Variants in SLCO1A2 observed in about 807,000 individuals in gnomAD.
SLCO1A2 encodes OATP-1.
SLCO1A2 carries 67 observed loss-of-function variants against 69.0 expected under a neutral mutation model. The observed-to-expected ratio is 0.97, with a 90% CI of 0.80 to 1.19. SLCO1A2 has a LOEUF of 1.19. Among genes scored for constraint, SLCO1A2 ranks in the 50% most tolerant of loss-of-function variants. The pLI is 0.00. For missense variants in SLCO1A2, 787 were observed against 793.7 expected (o/e 0.99, Z 0.10); for synonymous variants, 260 against 265.9 (o/e 0.98, Z 0.22).
chr12:21,364,925 T>A (rs1591885544), intron 2 of SLCO1A2, among the ~76,000 whole-genome samples: 1 of 152,212 alleles, frequency 6.6e-6, no homozygotes, highest in South Asian at 2.1e-4. Context: ...GAACATTTCA[T>A]GCTCGTGGAT....
At chr12:21,366,752 G>A (rs2137070771) in intron 2 of SLCO1A2, among the ~76,000 whole-genome samples, 1 of 151,794 alleles carries the variant, frequency 6.6e-6, no homozygotes, top group African/African-American at 2.4e-5. Flanking sequence ...CAGAAAGCAA[G>A]ATCTCTTGAA....
intron 2 of SLCO1A2, among the ~76,000 whole-genome samples, chr12:21,362,270 C>A (rs1202545320): frequency 1.3e-5 from 2 of 152,148 alleles, no homozygotes; most frequent in Non-Finnish European, 2.9e-5. Flanking sequence ...AAAGAATTTT[C>A]AACCCAGAAT....
intron 9 of SLCO1A2, among the ~76,000 whole-genome samples, 151 bp downstream of exon 9, chr12:21,297,249 CTCTT>C (rs530598058): frequency 3.5e-4 from 51 of 144,390 alleles, no homozygotes; most frequent in African/African-American, 7.4e-4. Flanking sequence ...TTCTTTCTTT[CTCTT>C]TCTTTCTTTC....
intron 12 of SLCO1A2, among the ~76,000 whole-genome samples, chr12:21,287,978 A>G (rs1946211039): frequency 7.1e-6 from 1 of 140,168 alleles, no homozygotes; most frequent in African/African-American, 2.7e-5. Context: ...AACCTGCACA[A>G]TGTGCACATG....
intron 2 of SLCO1A2, among the ~76,000 whole-genome samples, chr12:21,364,229 A>C (rs545975478): frequency 2.0e-5 from 3 of 152,368 alleles, no homozygotes; most frequent in African/African-American, 7.2e-5. Flanking sequence ...CCTGGGATGC[A>C]AGGCTGGTTC....
chr12:21,380,589 G>A (rs933718078), intron 1 of SLCO1A2, among the ~76,000 whole-genome samples: 1 of 152,094 alleles, frequency 6.6e-6, no homozygotes, highest in Non-Finnish European at 1.5e-5. Context: ...AATACATAAA[G>A]ACTGAGAATA....
At chr12:21,387,450 C>A (rs1940936218) in intron 1 of SLCO1A2, among the ~76,000 whole-genome samples, 1 of 152,258 alleles carries the variant, frequency 6.6e-6, no homozygotes, top group Non-Finnish European at 1.5e-5. Context: ...GCCCTACATC[C>A]CAGGCACTCC....
At chr12:21,290,084 GACAT>G (rs549704620) in intron 12 of SLCO1A2, among the ~76,000 whole-genome samples, 48 of 151,888 alleles carry the variant, frequency 3.2e-4, no homozygotes, top group Non-Finnish European at 5.9e-4. Flanking sequence ...TGCATATAGA[GACAT>G]ATATATGTAT....
chr12:21,417,760 TAAACTGTTTGGGAG>T (rs1418782665), intron 1 of SLCO1A2: 1 of 152,152 alleles, frequency 6.6e-6, no homozygotes, highest in Non-Finnish European at 1.5e-5. Flanking sequence ...CGAAGTTTCC[TAAACTGTTTGGGAG>T]AATGGTCAAA....
intron 2 of SLCO1A2, among the ~76,000 whole-genome samples, chr12:21,341,913 C>A (rs894297680): frequency 6.6e-6 from 1 of 151,956 alleles, no homozygotes; most frequent in Non-Finnish European, 1.5e-5. Context: ...GTAAAGGGAA[C>A]AGTTTGGAGC....
At chr12:21,378,014 GC>G (rs966688970) in intron 1 of SLCO1A2, among the ~76,000 whole-genome samples, 1 of 152,088 alleles carries the variant, frequency 6.6e-6, no homozygotes, top group Non-Finnish European at 1.5e-5. Context: ...ACTGAGAAAT[GC>G]AACATTGACT....
intron 1 of SLCO1A2, among the ~76,000 whole-genome samples, chr12:21,415,332 G>A (rs1057225072): frequency 2.6e-5 from 4 of 152,046 alleles, no homozygotes; most frequent in Non-Finnish European, 4.4e-5. Flanking sequence ...TATTTGGGGA[G>A]AAGGGCAGTT....
chr12:21,364,621 A>G (rs993533060), intron 2 of SLCO1A2, among the ~76,000 whole-genome samples: 1 of 152,234 alleles, frequency 6.6e-6, no homozygotes, highest in Non-Finnish European at 1.5e-5. Context: ...CCTGTTGCAG[A>G]GGACATGATT....
intron 2 of SLCO1A2, among the ~76,000 whole-genome samples, chr12:21,365,156 G>T (rs950572197): frequency 2.0e-5 from 3 of 152,142 alleles, no homozygotes; most frequent in African/African-American, 7.2e-5. Flanking sequence ...ATACTACAAG[G>T]CTACAGTAAC....
At chr12:21,325,924 G>A (rs1412822050) in intron 2 of SLCO1A2, among the ~76,000 whole-genome samples, 1 of 152,130 alleles carries the variant, frequency 6.6e-6, no homozygotes, top group East Asian at 1.9e-4. Flanking sequence ...GAGTGCCCAT[G>A]TAGCACTTAA....
At chr12:21,319,450 A>G (rs1186167781) in intron 2 of SLCO1A2, 1 of 1,367,584 alleles carries the variant, frequency 7.3e-7, no homozygotes, top group Non-Finnish European at 9.8e-7. Context: ...AATGAGGGAA[A>G]TATCCAGAAC....
At chr12:21,303,664 G>A (rs969057361) in intron 6 of SLCO1A2, among the ~76,000 whole-genome samples, 1 of 152,174 alleles carries the variant, frequency 6.6e-6, no homozygotes, top group Admixed American at 6.5e-5. Context: ...GAATATTTCA[G>A]AGATTGGAAG....
chr12:21,364,698 A>G (rs1369634259), intron 2 of SLCO1A2, among the ~76,000 whole-genome samples: 1 of 152,096 alleles, frequency 6.6e-6, no homozygotes, highest in African/African-American at 2.4e-5. Context: ...CTTCAGCAAA[A>G]TCTCAGGATA....
At chr12:21,378,283 C>T (rs1940353165) in intron 1 of SLCO1A2, 2 of 1,614,212 alleles carry the variant, frequency 1.2e-6, no homozygotes, top group Non-Finnish European at 1.7e-6. Flanking sequence ...ATGTGCAACG[C>T]AGCGCCTGGC....
Sources: allele counts gnomAD v4.1 joint callset (sites outside exome capture counted in the v4.1 genomes callset), GRCh38; gene constraint gnomAD v4.1.1; transcripts MANE v1.5; gene names NCBI Gene and HGNC (gene_info 2026-07-23, HGNC 2026-07-21).